The following WWC2 variants were observed in gnomAD, a reference collection of about 807,000 sequenced individuals.
The protein encoded by WWC2 is WW and C2 domain containing 2.
WWC2 carries 101 observed loss-of-function variants against 138.5 expected under a neutral mutation model. The observed-to-expected ratio is 0.73, with a 90% CI of 0.62 to 0.86. WWC2 has a LOEUF of 0.86. Ranked by LOEUF, WWC2 falls within the 40% of genes least tolerant of loss-of-function variation. WWC2 has a pLI of 0.00. For synonymous variants in WWC2, 558 were observed against 538.4 expected, an observed-to-expected ratio of 1.04 and a Z score of -0.50; for missense variants, 1,420 against 1,419.4, an observed-to-expected ratio of 1.00 and a Z score of -0.01.
At chr4:183,146,851 GAGA>G (rs1009422414) in intron 1 of WWC2, among the ~76,000 whole-genome samples, 4 of 152,362 alleles carry the variant, frequency 2.6e-5, no homozygotes, top group Admixed American at 6.5e-5. Flanking sequence ...GTGACCAACA[GAGA>G]AGGAGACAGG....
Position 183,284,395 on chromosome 4 carries a change from G to A in WWC2, c.3048+5G>A, listed in dbSNP as rs759159838. On this transcript the variant is annotated splice_donor_5th_base_variant and intron_variant, in intron 19 of 22. Coordinates refer to ENST00000403733, the MANE Select transcript of WWC2 (RefSeq NM_024949.6). ...CGGAACCAGTACATCTGCAGGGTAA[G>A]GTGGCAGTGCTCGTGGTGAGGCGCT... is the stretch of plus-strand genomic sequence containing the variant. 7 of 1,610,020 alleles carry A rather than the reference G, an allele frequency of 4.3e-6. No individual in the cohort carries two copies.
intron 4 of WWC2, among the ~76,000 whole-genome samples, chr4:183,212,828 C>T (rs933618673): frequency 3.9e-5 from 6 of 152,074 alleles, no homozygotes; most frequent in Admixed American, 1.3e-4. Flanking sequence ...TCTAATGTAG[C>T]GGAATCTCTT....
At chr4:183,257,320 G>A (rs1275307053) in intron 9 of WWC2, among the ~76,000 whole-genome samples, 1 of 152,152 alleles carries the variant, frequency 6.6e-6, no homozygotes, top group Non-Finnish European at 1.5e-5. Flanking sequence ...GGGACTTCCT[G>A]CTTCTATAGA....
At chr4:183,272,032 A>G (rs1737710548) in intron 16 of WWC2, among the ~76,000 whole-genome samples, 1 of 152,198 alleles carries the variant, frequency 6.6e-6, no homozygotes, top group South Asian at 2.1e-4. Flanking sequence ...GGTTGTAGCC[A>G]GCAACCATAC....
intron 1 of WWC2, among the ~76,000 whole-genome samples, chr4:183,190,864 C>A (rs1042980035): frequency 6.6e-6 from 1 of 152,202 alleles, no homozygotes; most frequent in African/African-American, 2.4e-5. Context: ...GCTTTTATAA[C>A]TTCCTATTCT....
At chr4:183,296,008 C>A (rs1164439311) in intron 21 of WWC2, among the ~76,000 whole-genome samples, 3 of 152,322 alleles carry the variant, frequency 2.0e-5, no homozygotes, top group East Asian at 3.9e-4. Flanking sequence ...TCACTTTCAT[C>A]TCCTAATTGT....
intron 1 of WWC2, among the ~76,000 whole-genome samples, chr4:183,153,412 A>G (rs1733701554): frequency 6.6e-6 from 1 of 152,176 alleles, no homozygotes; most frequent in African/African-American, 2.4e-5. Context: ...CACATTCCAG[A>G]TACATTTGGT....
chr4:183,315,217 C>T (rs1299374819), intron 22 of WWC2, among the ~76,000 whole-genome samples: 2 of 152,132 alleles, frequency 1.3e-5, no homozygotes, highest in South Asian at 2.1e-4. Context: ...GTCGTGGTGT[C>T]GCTCATCAGG....
intron 14 of WWC2, among the ~76,000 whole-genome samples, chr4:183,266,219 G>T (rs995072960): frequency 2.0e-5 from 3 of 152,176 alleles, no homozygotes; most frequent in Non-Finnish European, 2.9e-5. Context: ...GTTTTATGCT[G>T]TGTTGGAATT....
At chr4:183,215,581 A>G (rs903184732) in intron 4 of WWC2, among the ~76,000 whole-genome samples, 1 of 152,212 alleles carries the variant, frequency 6.6e-6, no homozygotes, top group Non-Finnish European at 1.5e-5. Context: ...TCAAAAGCAT[A>G]CCAGAATTTG....
chr4:183,269,388 G>A (rs1737624391), intron 15 of WWC2: 1 of 677,714 alleles, frequency 1.5e-6, no homozygotes, highest in Admixed American at 2.1e-5. Context: ...TTCTGTAAAA[G>A]TTGCTTTCTA....
At chr4:183,138,680 G>A (rs2111089671) in intron 1 of WWC2, among the ~76,000 whole-genome samples, 1 of 152,286 alleles carries the variant, frequency 6.6e-6, no homozygotes, top group East Asian at 1.9e-4. Context: ...TTAGGTGAAA[G>A]TCTCCTTTAG....
At chr4:183,122,323 G>A (rs1463813869) in intron 1 of WWC2, among the ~76,000 whole-genome samples, 4 of 152,014 alleles carry the variant, frequency 2.6e-5, no homozygotes, top group Admixed American at 1.3e-4. Context: ...TTAGTGCATC[G>A]ATTTATGCCT....
intron 4 of WWC2, among the ~76,000 whole-genome samples, chr4:183,214,499 AAG>A (rs1735692559): frequency 6.6e-6 from 1 of 152,194 alleles, no homozygotes; most frequent in African/African-American, 2.4e-5. Flanking sequence ...TTCAAATAAA[AAG>A]AAATATGCTG....
intron 1 of WWC2, among the ~76,000 whole-genome samples, chr4:183,158,950 G>A (rs1733880602): frequency 6.6e-6 from 1 of 152,162 alleles, no homozygotes; most frequent in Admixed American, 6.5e-5. Context: ...TGGCTGTGGT[G>A]AGCCAGGGTG....
At chr4:183,179,054 CA>C (rs1734545733) in intron 1 of WWC2, among the ~76,000 whole-genome samples, 1 of 152,020 alleles carries the variant, frequency 6.6e-6, no homozygotes, top group Non-Finnish European at 1.5e-5. Context: ...TGACATAAAA[CA>C]AAATTTAAAA....
Position 183,259,878 on chromosome 4 carries a change from C to G in WWC2, c.1286+150C>G. 6.1e-6 allele frequency: 4 copies of G among 655,918 alleles called. No homozygotes were observed. In the South Asian group the frequency reaches 7.9e-5, roughly 13 times the overall value. The allele number at this position is 655,918 out of a possible 1,614,324, so 40.6% of individuals were successfully genotyped here. On this transcript the variant is annotated intron_variant, in intron 10 of 22. Coordinates refer to ENST00000403733, the MANE Select transcript of WWC2 (RefSeq NM_024949.6). ...GTTTGAGTGATCAGATTTAAAGTCA[C>G]ATTTTCTTTTGCATGAACCCAGTGT... is the stretch of plus-strand genomic sequence containing the variant.
chr4:183,285,211 G>A (rs915997808), intron 19 of WWC2, among the ~76,000 whole-genome samples: 1 of 152,086 alleles, frequency 6.6e-6, no homozygotes, highest in African/African-American at 2.4e-5. Flanking sequence ...GGGGTGATAC[G>A]CAGGATTCAG....
At chr4:183,313,388 G>A (rs904119464) in intron 22 of WWC2, among the ~76,000 whole-genome samples, 7 of 152,074 alleles carry the variant, frequency 4.6e-5, no homozygotes, top group African/African-American at 1.4e-4. Context: ...GGGGAGAAGC[G>A]GGTAAGGGTG....
Sources: allele counts gnomAD v4.1 joint callset (sites outside exome capture counted in the v4.1 genomes callset), GRCh38; gene constraint gnomAD v4.1.1; transcripts MANE v1.5; gene names NCBI Gene and HGNC (gene_info 2026-07-23, HGNC 2026-07-21).